The following OGDH variants were observed in gnomAD, a reference collection of about 807,000 sequenced individuals.
OGDH encodes oxoglutarate dehydrogenase.
OGDH carries 38 observed loss-of-function variants against 116.6 expected under a neutral mutation model. The ratio of observed to expected loss-of-function variants is 0.33; its 90% CI spans 0.25 to 0.43. The LOEUF (loss-of-function observed/expected upper bound fraction) is 0.43. OGDH is among the 20% of genes least tolerant of loss of function. The probability of loss-of-function intolerance (pLI) is 1.00; values close to 1 mark genes in which losing one functional copy is unlikely to be tolerated. For synonymous variants in OGDH, 488 were observed against 533.3 expected, an observed-to-expected ratio of 0.92 and a Z score of 1.17; for missense variants, 825 against 1,357.2, an observed-to-expected ratio of 0.61 and a Z score of 6.16.
chr7:44,668,156 A>G (rs1787266538), intron 5 of OGDH, among the ~76,000 whole-genome samples: 1 of 152,190 alleles, frequency 6.6e-6, no homozygotes. Context: ...CTGAGTGTCC[A>G]GGCCAGGCAC....
intron 2 of OGDH, among the ~76,000 whole-genome samples, chr7:44,632,917 A>AT (rs1785505348): frequency 6.6e-6 from 1 of 151,704 alleles, no homozygotes; most frequent in African/African-American, 2.4e-5. Flanking sequence ...GAAAAAAAAA[A>AT]TTTTGTTTAA....
At chr7:44,691,530 TCA>T (rs1788363280) in intron 10 of OGDH, among the ~76,000 whole-genome samples, 1 of 112,194 alleles carries the variant, frequency 8.9e-6, no homozygotes, top group Admixed American at 9.9e-5. Flanking sequence ...AGACCTTCTC[TCA>T]AAAAAAAAAA....
intron 5 of OGDH, among the ~76,000 whole-genome samples, chr7:44,672,517 TGC>T (rs1259377865): frequency 2.0e-5 from 3 of 152,172 alleles, no homozygotes; most frequent in Non-Finnish European, 2.9e-5. Context: ...TTTTATTCCA[TGC>T]TGACTTGCAG....
intron 10 of OGDH, 72 bp downstream of exon 10, chr7:44,681,920 G>C: frequency 6.4e-7 from 1 of 1,557,738 alleles, no homozygotes; most frequent in East Asian, 2.3e-5. Context: ...GAGTCATTTA[G>C]GACGTTCACT....
intron 2 of OGDH, among the ~76,000 whole-genome samples, chr7:44,643,242 C>CTGGGACTACA (rs1287303462): frequency 1.3e-5 from 2 of 152,096 alleles, no homozygotes; most frequent in Non-Finnish European, 2.9e-5. Context: ...TCCCAAGTGA[C>CTGGGACTACA]TGGGACTACA....
chr7:44,700,731 G>T (rs1197509574), intron 19 of OGDH, among the ~76,000 whole-genome samples: 1 of 152,120 alleles, frequency 6.6e-6, no homozygotes, highest in Non-Finnish European at 1.5e-5. Flanking sequence ...AAAGGAAGGA[G>T]GCCGGGCGAG....
chr7:44,651,148 G>C (rs2300416), intron 4 of OGDH, among the ~76,000 whole-genome samples: 28,321 of 152,228 alleles, frequency 0.19, 6,333 homozygotes, highest in African/African-American at 0.52. Flanking sequence ...CCTGAAAACA[G>C]TCTGCCAGCT....
At chr7:44,652,091 G>A (rs143524406) in intron 4 of OGDH, among the ~76,000 whole-genome samples, 233 of 151,700 alleles carry the variant, frequency 1.5e-3, no homozygotes, top group Middle Eastern at 6.8e-3. Context: ...ATTGTGCCAG[G>A]TGATGGCTGG....
At chr7:44,655,113 G>T (rs1323358771) in intron 4 of OGDH, among the ~76,000 whole-genome samples, 1 of 152,140 alleles carries the variant, frequency 6.6e-6, no homozygotes, top group Non-Finnish European at 1.5e-5. Flanking sequence ...ATTGCCTTTA[G>T]ATTTTTAAAA....
intron 1 of OGDH, among the ~76,000 whole-genome samples, chr7:44,606,879 G>T (rs1251883397): frequency 3.9e-5 from 6 of 152,142 alleles, no homozygotes; most frequent in African/African-American, 1.4e-4. Flanking sequence ...GGGCCTGCCC[G>T]GCGGGCGGAG....
chr7:44,661,695 C>T (rs539459082), intron 4 of OGDH, among the ~76,000 whole-genome samples: 278 of 151,966 alleles, frequency 1.8e-3, no homozygotes, highest in Middle Eastern at 3.4e-3. Flanking sequence ...CTCTGCCTTC[C>T]GGTTCAAGCG....
chr7:44,631,192 G>C (rs919427115), intron 2 of OGDH, among the ~76,000 whole-genome samples: 3 of 152,172 alleles, frequency 2.0e-5, no homozygotes, highest in African/African-American at 2.4e-5. Context: ...TGAATCCATG[G>C]ATGCAGAACC....
At chr7:44,616,606 CAT>C (rs1220185936) in intron 1 of OGDH, among the ~76,000 whole-genome samples, 1 of 140,054 alleles carries the variant, frequency 7.1e-6, no homozygotes, top group African/African-American at 2.8e-5. Context: ...TCCTAGGCTA[CAT>C]ATATATATGT....
At chr7:44,640,601 T>G (rs1785887838) in intron 2 of OGDH, among the ~76,000 whole-genome samples, 1 of 152,216 alleles carries the variant, frequency 6.6e-6, no homozygotes, top group Admixed American at 6.5e-5. Flanking sequence ...CTGGAGAGAC[T>G]CTTGATCTAA....
At chr7:44,623,050 C>T (rs1785062281) in intron 1 of OGDH, among the ~76,000 whole-genome samples, 1 of 152,126 alleles carries the variant, frequency 6.6e-6, no homozygotes, top group Non-Finnish European at 1.5e-5. Flanking sequence ...TCTTTGCAGA[C>T]CCCACCCACG....
Position 44,688,026 on chromosome 7 carries a change from A to G in OGDH, c.1336-5799A>G, listed in dbSNP as rs1475264569. On this transcript the variant is annotated intron_variant, in intron 10 of 22. Transcript: ENST00000222673. ...AATTGAATCATACAATATGTGCCCT[A>G]TATCAGTTGGCGAACGTTTAGATTG... Among the ~76,000 whole-genome samples, 6 of 152,116 alleles carry G rather than the reference A, an allele frequency of 3.9e-5. No individual in the cohort carries two copies. In the East Asian group the frequency reaches 9.6e-4, roughly 24 times the overall value.
At chr7:44,633,011 T>C (rs914203597) in intron 2 of OGDH, among the ~76,000 whole-genome samples, 9 of 151,512 alleles carry the variant, frequency 5.9e-5, no homozygotes, top group Non-Finnish European at 1.2e-4. Flanking sequence ...CCCAGCACTT[T>C]GGGAGGCTGA....
chr7:44,708,075 T>C lies in OGDH; in HGVS notation c.*76T>C, dbSNP rs1789166736. On this transcript the variant is annotated 3_prime_UTR_variant, in exon 23 of 23. Transcript: ENST00000222673. ...CCCTTGCTTCTCAACTAAAGAATAGTGCCTCAGCGCTGCCCACACCACCGC... is the reference window on the plus strand; with the variant it reads ...CCCTTGCTTCTCAACTAAAGAATAGCGCCTCAGCGCTGCCCACACCACCGC... 30 of 1,554,156 alleles carry C rather than the reference T, an allele frequency of 1.9e-5. No individual in the cohort carries two copies. The highest frequency in any genetic ancestry group is 2.5e-5 in the Non-Finnish European group (29 of 1,152,498).
chr7:44,684,209 G>A lies in OGDH; in HGVS notation c.1335+2361G>A, dbSNP rs138276532. ...CAAGAGAGAACTGCCATCAGCCAGC[G>A]CCTGAGGAAAGCTCCCAATGGCATT... On this transcript the variant is annotated intron_variant, in intron 10 of 22. Transcript: ENST00000222673. Among the ~76,000 whole-genome samples the A allele has an allele frequency of 6.2e-3, 940 of 152,254 alleles. 6 individuals are homozygous for A. Among genetic ancestry groups the A allele is most frequent in the South Asian group, 0.029 (141 of 4,826 alleles).
Sources: allele counts gnomAD v4.1 joint callset (sites outside exome capture counted in the v4.1 genomes callset), GRCh38; gene constraint gnomAD v4.1.1; transcripts MANE v1.5; gene names NCBI Gene and HGNC (gene_info 2026-07-23, HGNC 2026-07-21).